The following GRM8 variants were observed in gnomAD, a reference collection of about 807,000 sequenced individuals.
The protein encoded by GRM8 is metabotropic glutamate receptor 8.
In GRM8, 47 loss-of-function variants were observed where a neutral mutation model predicts 87.2. The ratio of observed to expected loss-of-function variants is 0.54; its 90% CI spans 0.43 to 0.69. The LOEUF (loss-of-function observed/expected upper bound fraction) is 0.69, where lower values mean the gene tolerates loss of function less well. Among genes scored for constraint, GRM8 ranks in the 30% least tolerant of loss-of-function variants. GRM8 has a pLI of 0.00. For missense variants in GRM8, 1,019 were observed against 1,139.2 expected, an observed-to-expected ratio of 0.89 and a Z score of 1.52; for synonymous variants, 396 against 404.5, an observed-to-expected ratio of 0.98 and a Z score of 0.25.
intron 8 of GRM8, among the ~76,000 whole-genome samples, chr7:126,589,393 G>GC (rs1796466208): frequency 6.6e-6 from 1 of 152,106 alleles, no homozygotes; most frequent in Non-Finnish European, 1.5e-5. Flanking sequence ...CACAGCAGAG[G>GC]CAGCCATAAT....
chr7:127,234,939 AGT>A (rs1409382226), intron 2 of GRM8, among the ~76,000 whole-genome samples: 6 of 150,216 alleles, frequency 4.0e-5, no homozygotes, highest in Non-Finnish European at 8.8e-5. Context: ...ACTGCTCTGA[AGT>A]GAAGTCCATA....
At chr7:127,190,930 CTT>C (rs1468116680) in intron 2 of GRM8, among the ~76,000 whole-genome samples, 1 of 152,038 alleles carries the variant, frequency 6.6e-6, no homozygotes, top group Non-Finnish European at 1.5e-5. Context: ...TGGTAAAACA[CTT>C]TTATGAGCTA....
chr7:126,886,725 A>G (rs1332734646), intron 6 of GRM8, among the ~76,000 whole-genome samples: 1 of 152,154 alleles, frequency 6.6e-6, no homozygotes, highest in Admixed American at 6.5e-5. Flanking sequence ...TCCAAAATGT[A>G]TATATTTTTG....
At chr7:126,778,620 C>T (rs941473529) in intron 6 of GRM8, among the ~76,000 whole-genome samples, 24 of 152,096 alleles carry the variant, frequency 1.6e-4, no homozygotes, top group African/African-American at 5.6e-4. Flanking sequence ...ACATGAGAGA[C>T]AAATTTTGAT....
intron 1 of GRM8, among the ~76,000 whole-genome samples, chr7:127,250,437 T>C (rs1227777355): frequency 6.6e-6 from 1 of 152,248 alleles, no homozygotes; most frequent in African/African-American, 2.4e-5. Flanking sequence ...AGCTGTGTTC[T>C]CAGTATCTTC....
intron 7 of GRM8, among the ~76,000 whole-genome samples, chr7:126,676,385 T>C (rs973582794): frequency 6.6e-6 from 1 of 152,098 alleles, no homozygotes; most frequent in Admixed American, 6.5e-5. Context: ...CTAAAATTCA[T>C]GTGGAACCAA....
rs533443546 is a variant in GRM8, at chr7:126,667,086, A to G, written c.1358-57588T>C. Among the ~76,000 whole-genome samples the G allele has an allele frequency of 3.3e-5, 5 of 152,336 alleles. No individual in the cohort carries two copies. The East Asian group carries it at 9.6e-4, about 29-fold the overall frequency. The stretch of plus-strand genomic sequence containing the variant: ...AATGATAATAATAACAGATAACACA[A>G]AAATAGCACTTACTATATGTCAGAC... On this transcript the variant is annotated intron_variant, in intron 7 of 10. Transcript: ENST00000339582.
At chr7:126,439,986 T>G (rs550397267) in intron 10 of GRM8, among the ~76,000 whole-genome samples, 1 of 152,178 alleles carries the variant, frequency 6.6e-6, no homozygotes, top group East Asian at 1.9e-4. Context: ...TTTTAAGTTT[T>G]TATTACAAAC....
chr7:126,453,492 C>T (rs568069270), intron 9 of GRM8, among the ~76,000 whole-genome samples: 10 of 151,612 alleles, frequency 6.6e-5, no homozygotes, highest in Non-Finnish European at 1.2e-4. Flanking sequence ...TCTTTCTGAA[C>T]CCTTAACCTT....
intron 6 of GRM8, among the ~76,000 whole-genome samples, chr7:126,844,372 G>A (rs1027528756): frequency 1.3e-5 from 2 of 152,084 alleles, no homozygotes; most frequent in African/African-American, 4.8e-5. Context: ...TGAGCCATGG[G>A]GTGAGGGGTA....
chr7:127,097,895 T>A (rs1208110347), intron 3 of GRM8, among the ~76,000 whole-genome samples: 3 of 152,350 alleles, frequency 2.0e-5, no homozygotes. Context: ...AAGCACTTAT[T>A]TGAATGCTGT....
intron 9 of GRM8, among the ~76,000 whole-genome samples, chr7:126,481,882 A>T (rs2150596802): frequency 6.6e-6 from 1 of 152,176 alleles, no homozygotes; most frequent in South Asian, 2.1e-4. Flanking sequence ...GAGAAGGACG[A>T]AGGAGAGCTT....
intron 2 of GRM8, among the ~76,000 whole-genome samples, chr7:127,149,575 G>A (rs1828735535): frequency 6.6e-6 from 1 of 152,046 alleles, no homozygotes. Flanking sequence ...ATACCCAAGG[G>A]AAATAAAATC....
intron 7 of GRM8, among the ~76,000 whole-genome samples, chr7:126,660,330 G>T (rs142903337): frequency 6.6e-6 from 1 of 152,084 alleles, no homozygotes; most frequent in African/African-American, 2.4e-5. Context: ...GTTAAAAGTA[G>T]TAAACTGGAT....
intron 9 of GRM8, among the ~76,000 whole-genome samples, chr7:126,507,791 GCAAC>G (rs1405691251): frequency 2.2e-4 from 34 of 151,966 alleles, no homozygotes; most frequent in Non-Finnish European, 4.3e-4. Context: ...TTCTTTTAGA[GCAAC>G]TTGGCCCTAA....
At chr7:126,826,494 G>C (rs1332671915) in intron 6 of GRM8, among the ~76,000 whole-genome samples, 1 of 152,174 alleles carries the variant, frequency 6.6e-6, no homozygotes, top group Non-Finnish European at 1.5e-5. Flanking sequence ...TTTTTCATGT[G>C]TCTTTTGGCT....
chr7:126,629,609 A>G (rs1024375289), intron 7 of GRM8, among the ~76,000 whole-genome samples: 1 of 152,158 alleles, frequency 6.6e-6, no homozygotes, highest in East Asian at 1.9e-4. Flanking sequence ...AGAAATAAAA[A>G]AAATATCAAA....
chr7:126,912,121 C>T (rs1179908550), intron 3 of GRM8, among the ~76,000 whole-genome samples: 7 of 152,146 alleles, frequency 4.6e-5, no homozygotes, highest in South Asian at 2.1e-4. Flanking sequence ...GGCGTGAACC[C>T]GGGAGGCGGA....
At chr7:127,246,005 G>A (rs1019175849) in intron 1 of GRM8, among the ~76,000 whole-genome samples, 18 of 152,084 alleles carry the variant, frequency 1.2e-4, no homozygotes, top group Non-Finnish European at 2.6e-4. Context: ...TGCCCAGTTG[G>A]TGAGCTTTTA....
Sources: allele counts gnomAD v4.1 joint callset (sites outside exome capture counted in the v4.1 genomes callset), GRCh38; gene constraint gnomAD v4.1.1; transcripts MANE v1.5; gene names NCBI Gene and HGNC (gene_info 2026-07-23, HGNC 2026-07-21).